Variants in HCRTR2 observed in about 807,000 individuals in gnomAD.
The protein encoded by HCRTR2 is orexin receptor type 2.
A neutral mutation model predicts 49.0 loss-of-function variants in HCRTR2; 22 were observed. The ratio of observed to expected loss-of-function variants is 0.45; its 90% CI spans 0.32 to 0.64. The LOEUF is 0.64. Among genes scored for constraint, HCRTR2 ranks in the 30% least tolerant of loss-of-function variants. HCRTR2 has a pLI of 0.04. For synonymous variants in HCRTR2, 236 were observed against 205.3 expected (o/e 1.15, Z -1.28); for missense variants, 491 against 559.4 (o/e 0.88, Z 1.23).
At chr6:55,126,401 AC>A (rs1764278703) in intron 1 of HCRTR2, among the ~76,000 whole-genome samples, 1 of 152,012 alleles carries the variant, frequency 6.6e-6, no homozygotes, top group African/African-American at 2.4e-5. Flanking sequence ...TCCACTCCTG[AC>A]CCTGTTTGCC....
chr6:55,110,618 A>T (rs1258960533), intron 1 of HCRTR2, among the ~76,000 whole-genome samples: 4 of 109,466 alleles, frequency 3.7e-5, no homozygotes, highest in Non-Finnish European at 6.1e-5. Flanking sequence ...AACAACAATT[A>T]AAAAAAAGAC....
intron 1 of HCRTR2, among the ~76,000 whole-genome samples, chr6:55,178,469 T>A (rs968725126): frequency 2.6e-5 from 4 of 152,176 alleles, no homozygotes; most frequent in Non-Finnish European, 4.4e-5. Flanking sequence ...CAGGATATAA[T>A]GTACGTATAC....
At chr6:55,183,935 CT>C (rs557931425) in intron 1 of HCRTR2, among the ~76,000 whole-genome samples, 20 of 148,652 alleles carry the variant, frequency 1.3e-4, no homozygotes, top group East Asian at 3.9e-4. Flanking sequence ...TTTCTTTTTA[CT>C]TTTTTTTTTG....
At chr6:55,204,203 A>G (rs565052266) in intron 1 of HCRTR2, among the ~76,000 whole-genome samples, 1 of 152,154 alleles carries the variant, frequency 6.6e-6, no homozygotes, top group African/African-American at 2.4e-5. Flanking sequence ...CTCTCAACCT[A>G]TGACTCATGG....
At chr6:55,159,822 G>A (rs988967990) in intron 1 of HCRTR2, among the ~76,000 whole-genome samples, 1 of 152,174 alleles carries the variant, frequency 6.6e-6, no homozygotes. Context: ...AAGTCTCCAA[G>A]AAATATGGGA....
At chr6:55,276,462 C>T (rs1767078710) in intron 4 of HCRTR2, among the ~76,000 whole-genome samples, 1 of 152,140 alleles carries the variant, frequency 6.6e-6, no homozygotes, top group Non-Finnish European at 1.5e-5. Context: ...CGCACAGAGA[C>T]AGAAAGTAAA....
In HCRTR2 at chr6:55,264,764, C is replaced by A. The variant is rs903255319; in HGVS notation, c.762+942C>A. ...TGCCACAATTCTTAGAGATGTATTTCTCTCGTTCTCTAAACTTACTGCCGA... is the reference window on the plus strand; with the variant it reads ...TGCCACAATTCTTAGAGATGTATTTATCTCGTTCTCTAAACTTACTGCCGA... On this transcript the variant is annotated intron_variant, in intron 4 of 6. Coordinates refer to ENST00000370862, the MANE Select transcript of HCRTR2 (RefSeq NM_001384272.1). 3.0e-4 allele frequency among the ~76,000 whole-genome samples: 45 copies of A among 152,176 alleles called. 1 individual carries two copies. Among genetic ancestry groups the A allele is most frequent in the Middle Eastern group, 3.4e-3 (1 of 294 alleles).
At chr6:55,126,534 G>C (rs990444314) in intron 1 of HCRTR2, among the ~76,000 whole-genome samples, 1 of 152,208 alleles carries the variant, frequency 6.6e-6, no homozygotes, top group African/African-American at 2.4e-5. Flanking sequence ...TGAGGTGTCT[G>C]TCAGCCCCTA....
intron 4 of HCRTR2, among the ~76,000 whole-genome samples, chr6:55,274,270 T>C (rs1767032473): frequency 6.8e-6 from 1 of 147,534 alleles, no homozygotes; most frequent in Non-Finnish European, 1.5e-5. Context: ...GAAATATATA[T>C]ACTTATACAT....
rs181553197 is a variant in HCRTR2 at position 55,215,810 on chromosome 6, T to C, written c.224-32829T>C. Among the ~76,000 whole-genome samples the C allele has an allele frequency of 2.6e-5, 4 of 152,302 alleles. No individual in the cohort carries two copies. The East Asian group carries it at 5.8e-4, about 22-fold the overall frequency. ...CAACTACAAAGAAAATACCTACAGG[T>C]AATAAACAAAAGAAAATGAGAAAGA... On this transcript the variant is annotated intron_variant, in intron 1 of 6. Coordinates refer to ENST00000370862, the MANE Select transcript of HCRTR2 (RefSeq NM_001384272.1).
chr6:55,199,303 A>G (rs1194232256), intron 1 of HCRTR2, among the ~76,000 whole-genome samples: 3 of 151,844 alleles, frequency 2.0e-5, no homozygotes, highest in African/African-American at 4.8e-5. Flanking sequence ...AAAGTTGGGA[A>G]TACTTCACAT....
In HCRTR2 at chr6:55,174,593, C is replaced by A. The variant is rs777708841; in HGVS notation, c.6C>A (p.Ser2=). The change falls in exon 1 of 7, where the codon TCC becomes TCA. Residue 2 remains serine (S), a synonymous_variant. Transcript: ENST00000370862. M[S]GTKLEDSPPC... The stretch of plus-strand genomic sequence containing the variant: ...GAACCGGACTTGAGCCCGTGATGTC[C>A]GGCACCAAATTGGAGGACTCCCCCC... 5 of 1,613,660 alleles carry A rather than the reference C, an allele frequency of 3.1e-6. No homozygotes were observed. Among genetic ancestry groups the A allele is most frequent in the Non-Finnish European group, 4.2e-6 (5 of 1,179,720 alleles).
intron 2 of HCRTR2, among the ~76,000 whole-genome samples, chr6:55,254,742 C>A (rs1208486804): frequency 6.7e-6 from 1 of 150,140 alleles, no homozygotes; most frequent in Non-Finnish European, 1.5e-5. Flanking sequence ...TGAGGCTTTT[C>A]CAGTTTGGAC....
chr6:55,124,187 G>T (rs892687014), intron 1 of HCRTR2, among the ~76,000 whole-genome samples: 6 of 152,062 alleles, frequency 3.9e-5, no homozygotes, highest in African/African-American at 1.4e-4. Flanking sequence ...TGCTTCTCTA[G>T]TTCTTTTAAT....
intron 1 of HCRTR2, among the ~76,000 whole-genome samples, chr6:55,179,277 T>C (rs991670365): frequency 2.0e-5 from 3 of 152,090 alleles, no homozygotes; most frequent in African/African-American, 4.8e-5. Context: ...TCTAAACCCT[T>C]TTTAGATATA....
chr6:55,169,131 T>C (rs1486102959), intron 1 of HCRTR2, among the ~76,000 whole-genome samples: 2 of 151,852 alleles, frequency 1.3e-5, no homozygotes, highest in Non-Finnish European at 2.9e-5. Context: ...CAAAATTATT[T>C]GCCGGCTACT....
At chr6:55,221,391 T>A (rs1279613979) in intron 1 of HCRTR2, among the ~76,000 whole-genome samples, 1 of 151,998 alleles carries the variant, frequency 6.6e-6, no homozygotes, top group East Asian at 1.9e-4. Flanking sequence ...CATTGTAAAA[T>A]AATATACAAA....
intron 4 of HCRTR2, among the ~76,000 whole-genome samples, chr6:55,268,466 G>C (rs1766904408): frequency 6.6e-6 from 1 of 151,978 alleles, no homozygotes; most frequent in Non-Finnish European, 1.5e-5. Context: ...ACTTTATGCT[G>C]TCTACAAGAG....
At chr6:55,109,922 G>C (rs1236485241) in intron 1 of HCRTR2, among the ~76,000 whole-genome samples, 1 of 152,122 alleles carries the variant, frequency 6.6e-6, no homozygotes, top group Non-Finnish European at 1.5e-5. Context: ...ATAGTCATCA[G>C]GTTATCTAAA....
Sources: gnomAD v4.1 joint callset for allele counts (sites outside exome capture counted in the v4.1 genomes callset) on GRCh38, gnomAD v4.1.1 for gene constraint, MANE v1.5 for transcripts, NCBI Gene and HGNC (gene_info 2026-07-23, HGNC 2026-07-21) for gene names.